The following PLCB4 variants were observed in gnomAD, a reference collection of about 807,000 sequenced individuals.
The protein encoded by PLCB4 is phospholipase C beta 4, also known as 1-phosphatidylinositol 4,5-bisphosphate phosphodiesterase beta-4.
A neutral mutation model predicts 178.8 loss-of-function variants in PLCB4; 77 were observed. The observed-to-expected ratio is 0.43, with a 90% confidence interval of 0.36 to 0.52. The LOEUF (loss-of-function observed/expected upper bound fraction) is 0.52. PLCB4 is among the 20% of genes least tolerant of loss of function. The pLI, the probability that PLCB4 is intolerant of heterozygous loss-of-function variation, is 0.00. For synonymous variants in PLCB4, 496 were observed against 490.8 expected (o/e 1.01, Z -0.14); for missense variants, 1,024 against 1,453.4 (o/e 0.70, Z 4.80).
At chr20:9,121,475 G>A (rs1046561632) in intron 2 of PLCB4, among the ~76,000 whole-genome samples, 2 of 152,124 alleles carry the variant, frequency 1.3e-5, no homozygotes, top group South Asian at 2.1e-4. Flanking sequence ...CAATTAGTCA[G>A]TCGTAAATAT....
At chr20:9,470,722 G>A (rs868558376) in intron 36 of PLCB4, among the ~76,000 whole-genome samples, 23 of 152,198 alleles carry the variant, frequency 1.5e-4, no homozygotes, top group African/African-American at 5.3e-4. Context: ...CTGTATGGGG[G>A]TACGTGAGAA....
At chr20:9,336,212 G>A (rs2032436262) in intron 4 of PLCB4, among the ~76,000 whole-genome samples, 4 of 152,136 alleles carry the variant, frequency 2.6e-5, no homozygotes, top group Admixed American at 2.6e-4. Context: ...TGAATGCTAA[G>A]TATTGGTGTA....
chr20:9,352,315 C>A (rs1320250571), intron 7 of PLCB4, among the ~76,000 whole-genome samples: 2 of 152,112 alleles, frequency 1.3e-5, no homozygotes, highest in Non-Finnish European at 2.9e-5. Context: ...CCCTCCTGAT[C>A]TTTTGTGTCC....
At chr20:9,424,971 A>G (rs911517822) in intron 28 of PLCB4, among the ~76,000 whole-genome samples, 1 of 152,224 alleles carries the variant, frequency 6.6e-6, no homozygotes, top group Non-Finnish European at 1.5e-5. Flanking sequence ...ATCAGAGTCA[A>G]AAATTAAAAT....
At chr20:9,139,032 T>C (rs1394944289) in intron 2 of PLCB4, among the ~76,000 whole-genome samples, 1 of 152,048 alleles carries the variant, frequency 6.6e-6, no homozygotes, top group African/African-American at 2.4e-5. Flanking sequence ...AAACTTGAGG[T>C]CTCATGAAGT....
intron 2 of PLCB4, among the ~76,000 whole-genome samples, chr20:9,123,703 G>A (rs546472040): frequency 6.6e-6 from 1 of 152,022 alleles, no homozygotes; most frequent in South Asian, 2.1e-4. Context: ...AGATAACATA[G>A]GTAGATAAGT....
intron 32 of PLCB4, among the ~76,000 whole-genome samples, chr20:9,450,535 A>T (rs2042690500): frequency 6.6e-6 from 1 of 152,170 alleles, no homozygotes; most frequent in Non-Finnish European, 1.5e-5. Context: ...AGTCACTTTA[A>T]TTCAATATGC....
intron 4 of PLCB4, among the ~76,000 whole-genome samples, chr20:9,332,129 C>A (rs1187024320): frequency 2.6e-5 from 4 of 152,304 alleles, no homozygotes; most frequent in Non-Finnish European, 1.5e-5. Flanking sequence ...CCAGAAAATT[C>A]TGTTACCATT....
At chr20:9,298,923 T>A (rs576580141) in intron 3 of PLCB4, among the ~76,000 whole-genome samples, 40 of 152,162 alleles carry the variant, frequency 2.6e-4, no homozygotes, top group Non-Finnish European at 4.7e-4. Flanking sequence ...AATAGATAAA[T>A]CATAGCAAAG....
intron 3 of PLCB4, among the ~76,000 whole-genome samples, chr20:9,291,307 G>A (rs887289875): frequency 6.6e-6 from 1 of 152,078 alleles, no homozygotes; most frequent in African/African-American, 2.4e-5. Flanking sequence ...GCCAAAGACA[G>A]CATCTAATAT....
chr20:9,169,637 T>C (rs1404545529), intron 2 of PLCB4, among the ~76,000 whole-genome samples: 2 of 151,576 alleles, frequency 1.3e-5, no homozygotes, highest in East Asian at 3.9e-4. Flanking sequence ...TCTGCCAGGG[T>C]TCTAGATACC....
intron 2 of PLCB4, among the ~76,000 whole-genome samples, chr20:9,125,161 G>A (rs2092078524): frequency 6.6e-6 from 1 of 152,086 alleles, no homozygotes; most frequent in Admixed American, 6.6e-5. Flanking sequence ...CAGTTTAGCT[G>A]CCTTCTGAAG....
chr20:9,353,078 T>C (rs1017384526), intron 7 of PLCB4, among the ~76,000 whole-genome samples: 2 of 152,244 alleles, frequency 1.3e-5, no homozygotes, highest in African/African-American at 4.8e-5. Context: ...AGGATTATTA[T>C]TGACTTCCCA....
intron 4 of PLCB4, among the ~76,000 whole-genome samples, chr20:9,321,790 T>C (rs1296406688): frequency 6.6e-6 from 1 of 151,782 alleles, no homozygotes; most frequent in Non-Finnish European, 1.5e-5. Context: ...CGCACCACCA[T>C]GCCCAGCTAA....
chr20:9,117,334 A>G (rs1293121467), intron 2 of PLCB4, among the ~76,000 whole-genome samples: 1 of 152,184 alleles, frequency 6.6e-6, no homozygotes, highest in Non-Finnish European at 1.5e-5. Flanking sequence ...TTTACAGCTC[A>G]GGATATGTGT....
At chr20:9,467,458 A>G (rs776944805) in intron 35 of PLCB4, among the ~76,000 whole-genome samples, 1 of 152,192 alleles carries the variant, frequency 6.6e-6, no homozygotes, top group Non-Finnish European at 1.5e-5. Flanking sequence ...AAATAAATCC[A>G]TGGCAGAAGC....
At chr20:9,420,589 A>G (rs1320583848) in intron 26 of PLCB4, among the ~76,000 whole-genome samples, 1 of 152,154 alleles carries the variant, frequency 6.6e-6, no homozygotes, top group Non-Finnish European at 1.5e-5. Context: ...TCAGCCTCCC[A>G]AAGTACTGGC....
intron 2 of PLCB4, among the ~76,000 whole-genome samples, chr20:9,149,293 C>T (rs539137396): frequency 2.6e-5 from 4 of 152,256 alleles, no homozygotes; most frequent in African/African-American, 4.8e-5. Flanking sequence ...GCTCTGATAA[C>T]GTCACATCCT....
At chr20:9,371,104 C>A (rs565428900) in intron 9 of PLCB4, 110 bp from the exon 10 acceptor site, 5 of 737,344 alleles carry the variant, frequency 6.8e-6, no homozygotes, top group Non-Finnish European at 1.2e-5. Flanking sequence ...TTTTATTCTC[C>A]TCTTCCTTTT....
Sources: allele counts gnomAD v4.1 joint callset (sites outside exome capture counted in the v4.1 genomes callset), GRCh38; gene constraint gnomAD v4.1.1; transcripts MANE v1.5; gene names NCBI Gene and HGNC (gene_info 2026-07-23, HGNC 2026-07-21).